The following DNAJB11 variants were observed in gnomAD, a reference collection of about 807,000 sequenced individuals.
The protein encoded by DNAJB11 is DnaJ heat shock protein family (Hsp40) member B11.
DNAJB11 carries 30 observed loss-of-function variants against 47.2 expected under a neutral mutation model. The ratio of observed to expected loss-of-function variants is 0.64; its 90% CI spans 0.48 to 0.86. DNAJB11 has a LOEUF of 0.86. Ranked by LOEUF, DNAJB11 falls within the 40% of genes least tolerant of loss-of-function variation. The pLI is 0.00. For synonymous variants in DNAJB11, 151 were observed against 159.9 expected, an observed-to-expected ratio of 0.94 and a Z score of 0.42; for missense variants, 357 against 440.2, an observed-to-expected ratio of 0.81 and a Z score of 1.69.
chr3:186,576,847 G>A (rs1187548890), intron 3 of DNAJB11, among the ~76,000 whole-genome samples: 1 of 152,108 alleles, frequency 6.6e-6, no homozygotes, highest in Non-Finnish European at 1.5e-5. Context: ...CCCCCACCCT[G>A]TTCTTTCCCC....
Position 186,581,404 on chromosome 3 carries a change from C to G in DNAJB11, c.490C>G (p.Pro164Ala). The G allele has an allele frequency of 6.2e-7, 1 of 1,613,904 alleles. No individual in the cohort carries two copies. Among genetic ancestry groups the G allele is most frequent in the Non-Finnish European group, 8.5e-7 (1 of 1,179,978 alleles). The change falls in exon 5 of 10, where the codon CCT becomes GCT. Residue 164 changes from proline to alanine, a missense_variant. By Grantham distance (27) the Pro-to-Ala change is conservative. Transcript: ENST00000265028. ...VRNKPVARQA[P>A]GKRKCNCRQE... ...AAACAAACCTGTGGCAAGGCAGGCT[C>G]CTGGCAAACGGAAGTGCAATTGTCG... is the stretch of plus-strand genomic sequence containing the variant.
Position 186,579,102 on chromosome 3 carries a change from A to AT in DNAJB11, c.456+1306dup, listed in dbSNP as rs1294099975. 2.6e-5 allele frequency: 4 copies of AT among 152,338 alleles called. No homozygotes were observed. The East Asian group carries it at 7.7e-4, about 29-fold the overall frequency. 9.4% of individuals were successfully genotyped at this position (152,338 alleles called of 1,614,324 possible). On this transcript the variant is annotated intron_variant, in intron 4 of 9. Coordinates refer to ENST00000265028, the MANE Select transcript of DNAJB11 (RefSeq NM_016306.6). ...AACTGAAACTCATCTCTGGAAAAAAATTTTAAAATAAAATAAGAAAGCTGT... is the reference window on the plus strand; with the variant it reads ...AACTGAAACTCATCTCTGGAAAAAAATTTTTAAAATAAAATAAGAAAGCTGT...
Position 186,583,996 on chromosome 3 carries a change from C to T in DNAJB11, c.852+20C>T, listed in dbSNP as rs6444145. On this transcript the variant is annotated intron_variant, in intron 8 of 9. Transcript: ENST00000265028. ...CACAAGGTAAACAAACCAATTTACT[C>T]GTTCTGCATCCTTTTGAAGCCTTTA... The T allele has an allele frequency of 4.0e-3, 6,140 of 1,544,892 alleles. 189 individuals are homozygous for T. The African/African-American group carries it at 0.07, about 18-fold the overall frequency.
intron 4 of DNAJB11, chr3:186,580,164 A>G (rs1370714932): frequency 1.3e-5 from 2 of 152,184 alleles, no homozygotes; most frequent in African/African-American, 4.8e-5. Flanking sequence ...TCACTAATAC[A>G]CAGTAGACAT....
chr3:186,570,758 A>G lies in DNAJB11; in HGVS notation c.-140A>G. ...GGACCGGCAGAAGAGGGGGCTAGCT[A>G]GCTGTCTCTGCGGACCAAGGAGACC... On this transcript the variant is annotated 5_prime_UTR_variant, in exon 1 of 10. Transcript: ENST00000265028. 1.4e-6 allele frequency: 1 copy of G among 729,008 alleles called. No individual in the cohort carries two copies. The highest frequency in any genetic ancestry group is 2.3e-6 in the Non-Finnish European group (1 of 430,738). 45.2% of individuals were successfully genotyped at this position (729,008 alleles called of 1,614,324 possible).
At chr3:186,580,084 T>G (rs1715433439) in intron 4 of DNAJB11, 1 of 152,206 alleles carries the variant, frequency 6.6e-6, no homozygotes, top group Non-Finnish European at 1.5e-5. Flanking sequence ...CCAGTGAGGT[T>G]GTTTAGATGG....
intron 4 of DNAJB11, chr3:186,581,136 T>G: frequency 4.5e-6 from 2 of 442,042 alleles, no homozygotes. Flanking sequence ...CTTACTCCCG[T>G]CTCTACTTCT....
chr3:186,583,220 GAT>G (rs1715546707), intron 7 of DNAJB11, among the ~76,000 whole-genome samples: 2 of 152,190 alleles, frequency 1.3e-5, no homozygotes, highest in East Asian at 3.8e-4. Flanking sequence ...CAGCTTTCTT[GAT>G]TACTGTTGCT....
In DNAJB11 at chr3:186,582,721, C is replaced by A; in HGVS notation, c.688C>A (p.Pro230Thr). 1 of 1,591,190 alleles carries A rather than the reference C, an allele frequency of 6.3e-7. No individual in the cohort carries two copies. The highest frequency in any genetic ancestry group is 8.6e-7 in the Non-Finnish European group (1 of 1,167,408). Residue 230 changes from proline (P) to threonine (T), a missense_variant, in exon 7 of 10, where the codon CCT becomes ACT. Coordinates refer to ENST00000265028, the MANE Select transcript of DNAJB11 (RefSeq NM_016306.6). ...MEYPFIGEGE[P>T]HVDGEPGDLR... ...CTGTAATCTGCTCTGACTAGGTGAG[C>A]CTCACGTGGATGGGGAGCCTGGAGA... is the stretch of plus-strand genomic sequence containing the variant.
chr3:186,581,946 T>G (rs1307147609), intron 5 of DNAJB11, 49 bp from the exon 6 acceptor site: 2 of 1,455,248 alleles, frequency 1.4e-6, no homozygotes, highest in Non-Finnish European at 1.9e-6. Flanking sequence ...TCTGATGTTT[T>G]GTTTATATTT....
rs774983131 is a variant in DNAJB11 at position 186,583,918 on chromosome 3, C to T, written c.794C>T (p.Ser265Leu). The change falls in exon 8 of 10, where the codon TCA becomes TTA. Residue 265 changes from serine to leucine, a missense_variant. Physicochemically the swap from Ser to Leu is moderately radical, Grantham distance 145. Transcript: ENST00000265028. ...GDDLYTNVTI[S>L]LVESLVGFEM... is the part of the protein sequence containing the mutation. ...GATTTGTACACAAATGTGACAATCT[C>T]ATTAGTTGAGTCACTGGTTGGCTTT... 7.4e-6 allele frequency: 12 copies of T among 1,613,852 alleles called. No individual in the cohort carries two copies. The South Asian group carries it at 1.2e-4, about 16-fold the overall frequency.
chr3:186,575,799 A>G lies in DNAJB11; in HGVS notation c.226-41A>G, dbSNP rs2280391. On this transcript the variant is annotated intron_variant, in intron 2 of 9. Coordinates refer to ENST00000265028, the MANE Select transcript of DNAJB11 (RefSeq NM_016306.6). ...TATGACTGTGCCTTAACTGGATATT[A>G]CCAACTCATGATCTTTTCCTCCACT... The G allele has an allele frequency of 0.19, 289,785 of 1,498,972 alleles. 32,293 individuals are homozygous for G. The highest frequency in any genetic ancestry group is 0.48 in the African/African-American group (34,587 of 72,222). 92.9% of individuals were successfully genotyped at this position (1,498,972 alleles called of 1,614,324 possible). A position where few individuals can be genotyped will look rare whatever the true frequency, so the allele number is the denominator to read the frequency against.
chr3:186,578,038 CCT>C, intron 4 of DNAJB11: 1 of 263,250 alleles, frequency 3.8e-6, no homozygotes, highest in East Asian at 6.9e-5. Flanking sequence ...ATGCTACTTC[CCT>C]GTTCCATTAC....
chr3:186,571,037 G>GGGGGGGGGGGGGGGC, intron 1 of DNAJB11, 72 bp downstream of exon 1: 1 of 940,414 alleles, frequency 1.1e-6, no homozygotes, highest in Non-Finnish European at 1.6e-6. Context: ...GGGGGTGGGG[G>GGGGGGGGGGGGGGGC]AAGTGGCATT....
At position 186,584,556 on chromosome 3, in the gene DNAJB11, C is replaced by T; in HGVS notation, c.979C>T (p.Pro327Ser). ...GATAATCACTTTTGATGTGGATTTTCCAAAAGAACAGTTAACAGAGGAAGC... is the reference window on the plus strand; with the variant it reads ...GATAATCACTTTTGATGTGGATTTTTCAAAAGAACAGTTAACAGAGGAAGC... ...SLIITFDVDF[P>S]KEQLTEEARE... The change falls in exon 9 of 10, where the codon CCA becomes TCA. Residue 327 changes from proline (P) to serine (S), a missense_variant. By Grantham distance (74) the Pro-to-Ser change is moderately conservative. Coordinates refer to ENST00000265028, the MANE Select transcript of DNAJB11 (RefSeq NM_016306.6). 3 of 1,592,790 alleles carry T rather than the reference C, an allele frequency of 1.9e-6. No homozygotes were observed. The highest frequency in any genetic ancestry group is 2.6e-6 in the Non-Finnish European group (3 of 1,172,914).
intron 1 of DNAJB11, 24 bp from the exon 2 acceptor site, chr3:186,572,071 G>C (rs1034241493): frequency 6.5e-7 from 1 of 1,538,146 alleles, no homozygotes; most frequent in Non-Finnish European, 8.7e-7. Context: ...CTTTAATGAA[G>C]TATTCTCTCC....
Position 186,585,222 on chromosome 3 carries a change from T to C in DNAJB11, c.1013-122T>C, listed in dbSNP as rs912316177. 5.9e-6 allele frequency: 4 copies of C among 675,706 alleles called. No homozygotes were observed. In the Admixed American group the frequency reaches 9.0e-5, roughly 15 times the overall value. 41.9% of individuals were successfully genotyped at this position (675,706 alleles called of 1,614,324 possible). On this transcript the variant is annotated intron_variant, in intron 9 of 9. Transcript: ENST00000265028. ...CAATTACGTTGGAGATTGGTAGTTA[T>C]TTAATTCACATCCATGTTTGTCATA...
intron 4 of DNAJB11, chr3:186,580,521 A>T (rs1715448419): frequency 6.6e-6 from 1 of 152,122 alleles, no homozygotes; most frequent in Non-Finnish European, 1.5e-5. Context: ...TGTCTCATAG[A>T]GTTGTGAGGG....
In DNAJB11 at chr3:186,570,908, A is replaced by C; in HGVS notation, c.11A>C (p.Gln4Pro). The C allele has an allele frequency of 6.2e-7, 1 of 1,605,692 alleles. No individual in the cohort carries two copies. The highest frequency in any genetic ancestry group is 8.5e-7 in the Non-Finnish European group (1 of 1,176,066). Residue 4 changes from glutamine (Q) to proline (P), a missense_variant, in exon 1 of 10, where the codon CAG becomes CCG. Gln to Pro is a moderately conservative substitution (Grantham distance 76, BLOSUM62 -1). Transcript: ENST00000265028. ...CGGGACAGAGGAACCATGGCTCCGC[A>C]GAACCTGAGCACCTTTTGCCTGTTG... MAP[Q>P]NLSTFCLLLL... is the part of the protein sequence containing the mutation.
Sources: gnomAD v4.1 joint callset for allele counts (sites outside exome capture counted in the v4.1 genomes callset) on GRCh38, gnomAD v4.1.1 for gene constraint, MANE v1.5 for transcripts, NCBI Gene and HGNC (gene_info 2026-07-23, HGNC 2026-07-21) for gene names.